The following ZFHX4 variants were observed in gnomAD, a reference collection of about 807,000 sequenced individuals.
The protein encoded by ZFHX4 is zinc finger homeobox 4.
ZFHX4 carries 56 observed loss-of-function variants against 267.6 expected under a neutral mutation model. The ratio of observed to expected loss-of-function variants is 0.21; its 90% CI spans 0.17 to 0.26. The LOEUF is 0.26. Ranked by LOEUF, ZFHX4 falls within the 10% of genes least tolerant of loss-of-function variation. The pLI is 1.00. For missense variants in ZFHX4, 4,332 were observed against 4,420.0 expected (o/e 0.98, Z 0.56); for synonymous variants, 1,778 against 1,665.6 (o/e 1.07, Z -1.64).
chr8:76,807,599 C>T (rs1811277051), intron 4 of ZFHX4, among the ~76,000 whole-genome samples: 1 of 152,002 alleles, frequency 6.6e-6, no homozygotes. Flanking sequence ...CATCTTAAAC[C>T]AAAAAGCCAC....
At chr8:76,824,984 A>G (rs1006523668) in intron 4 of ZFHX4, among the ~76,000 whole-genome samples, 1 of 152,188 alleles carries the variant, frequency 6.6e-6, no homozygotes. Flanking sequence ...TTTAAACTAC[A>G]ATGCTTAAGA....
At chr8:76,781,972 CA>C in intron 4 of ZFHX4, among the ~76,000 whole-genome samples, 1 of 152,100 alleles carries the variant, frequency 6.6e-6, no homozygotes, top group African/African-American at 2.4e-5. Flanking sequence ...TTTCAGACAT[CA>C]CCAGCAGTAA....
intron 4 of ZFHX4, among the ~76,000 whole-genome samples, chr8:76,785,158 A>G (rs182868813): frequency 2.0e-5 from 3 of 152,190 alleles, no homozygotes; most frequent in African/African-American, 7.2e-5. Context: ...GTATCCCCCT[A>G]GAATCATTTT....
At chr8:76,767,915 G>A (rs894756398) in intron 3 of ZFHX4, among the ~76,000 whole-genome samples, 5 of 152,164 alleles carry the variant, frequency 3.3e-5, no homozygotes, top group African/African-American at 9.7e-5. Flanking sequence ...TAATGCATGT[G>A]TATAAATAAC....
chr8:76,790,371 G>A (rs1004803185), intron 4 of ZFHX4, among the ~76,000 whole-genome samples: 5 of 152,060 alleles, frequency 3.3e-5, no homozygotes, highest in African/African-American at 1.2e-4. Flanking sequence ...TTGAGAAATG[G>A]TGGAGCTGTG....
At chr8:76,846,878 A>T (rs146009676) in intron 6 of ZFHX4, among the ~76,000 whole-genome samples, 64 of 152,278 alleles carry the variant, frequency 4.2e-4, no homozygotes, top group African/African-American at 1.4e-3. Flanking sequence ...AGTCATGGAA[A>T]TTCTCTTTTA....
intron 3 of ZFHX4, among the ~76,000 whole-genome samples, chr8:76,718,221 C>T: frequency 6.6e-6 from 1 of 152,114 alleles, no homozygotes; most frequent in South Asian, 2.1e-4. Flanking sequence ...AAAAGATTGA[C>T]ATGCTAAAAT....
At chr8:76,844,738 G>A (rs2733710) in intron 6 of ZFHX4, among the ~76,000 whole-genome samples, 79,283 of 151,934 alleles carry the variant, frequency 0.52, 23,038 homozygotes, top group African/African-American at 0.79. Flanking sequence ...GGGTTTTTCT[G>A]TAGGGATAAA....
At position 76,705,994 on chromosome 8, in the gene ZFHX4, C is replaced by A; in HGVS notation, c.1906C>A (p.His636Asn). 2 of 1,612,938 alleles carry A rather than the reference C, an allele frequency of 1.2e-6. No individual in the cohort carries two copies. The highest frequency in any genetic ancestry group is 2.2e-5 in the South Asian group (2 of 91,020). ...RSLGGHMTMM[H>N]SRNSCKTLKC... ...TCTTGGTGGTCATATGACTATGATG[C>A]ACTCGAGGAACTCATGCAAAACCCT... The change falls in exon 2 of 11, where the codon CAC becomes AAC. Residue 636 changes from histidine (H) to asparagine (N), a missense_variant. Physicochemically the swap from His to Asn is moderately conservative, Grantham distance 68 (BLOSUM62 1). Transcript: ENST00000651372.
At chr8:76,703,706 A>C (rs1451974414) in intron 1 of ZFHX4, 1 of 174,578 alleles carries the variant, frequency 5.7e-6, no homozygotes, top group African/African-American at 2.4e-5. Flanking sequence ...ATTACTGCAA[A>C]GGGGGTTTTA....
At chr8:76,845,594 T>G (rs10099773) in intron 6 of ZFHX4, among the ~76,000 whole-genome samples, 9,746 of 152,096 alleles carry the variant, frequency 0.064, 765 homozygotes, top group East Asian at 0.37. Flanking sequence ...ATTAAATACA[T>G]TGACTCATTA....
intron 3 of ZFHX4, among the ~76,000 whole-genome samples, chr8:76,765,316 C>A (rs1174962107): frequency 6.6e-6 from 1 of 152,112 alleles, no homozygotes; most frequent in Non-Finnish European, 1.5e-5. Context: ...TAAATGTTAA[C>A]TATACCTATT....
chr8:76,690,729 A>G (rs1317887513), intron 1 of ZFHX4, among the ~76,000 whole-genome samples: 1 of 151,716 alleles, frequency 6.6e-6, no homozygotes, highest in Non-Finnish European at 1.5e-5. Context: ...ACAGACAGAC[A>G]CACACACACA....
intron 3 of ZFHX4, among the ~76,000 whole-genome samples, chr8:76,756,058 G>T (rs756520644): frequency 2.0e-5 from 3 of 152,116 alleles, no homozygotes; most frequent in African/African-American, 7.2e-5. Flanking sequence ...TCCTTTTGAA[G>T]AAATCATCAA....
intron 10 of ZFHX4, among the ~76,000 whole-genome samples, chr8:76,861,196 G>A (rs1812857300): frequency 6.6e-6 from 1 of 151,486 alleles, no homozygotes; most frequent in African/African-American, 2.4e-5. Context: ...CTTGCTGTCA[G>A]TTTTTTTCTG....
At chr8:76,758,222 G>C (rs917179848) in intron 3 of ZFHX4, among the ~76,000 whole-genome samples, 2 of 152,070 alleles carry the variant, frequency 1.3e-5, no homozygotes, top group Non-Finnish European at 1.5e-5. Flanking sequence ...GGAGCATAGA[G>C]GACAGAGAAT....
intron 4 of ZFHX4, among the ~76,000 whole-genome samples, chr8:76,790,659 A>AGCC (rs1810811459): frequency 6.6e-6 from 1 of 152,156 alleles, no homozygotes; most frequent in Admixed American, 6.6e-5. Flanking sequence ...TCTTCTGTGA[A>AGCC]AGGAATAAAT....
intron 3 of ZFHX4, among the ~76,000 whole-genome samples, chr8:76,752,075 A>C (rs1412376503): frequency 1.3e-5 from 2 of 152,174 alleles, no homozygotes; most frequent in Non-Finnish European, 2.9e-5. Context: ...ACAGTGAATG[A>C]AAATTTATTA....
chr8:76,784,554 GGAATAGATACCCAT>G (rs1810637610), intron 4 of ZFHX4, among the ~76,000 whole-genome samples: 1 of 151,856 alleles, frequency 6.6e-6, no homozygotes, highest in African/African-American at 2.4e-5. Flanking sequence ...CTCACACAAT[GGAATAGATACCCAT>G]GAATGACAGT....
Sources: allele counts gnomAD v4.1 joint callset (sites outside exome capture counted in the v4.1 genomes callset), GRCh38; gene constraint gnomAD v4.1.1; transcripts MANE v1.5; gene names NCBI Gene and HGNC (gene_info 2026-07-23, HGNC 2026-07-21).